Variants in TIMM23 observed in about 807,000 individuals in gnomAD.
TIMM23 encodes mitochondrial import inner membrane translocase subunit Tim23.
TIMM23 carries 19 observed loss-of-function variants against 30.7 expected under a neutral mutation model. That is an observed-to-expected ratio of 0.62 (90% CI 0.43 to 0.91). The LOEUF is 0.91. Ranked by LOEUF, TIMM23 falls within the 40% of genes least tolerant of loss-of-function variation. The pLI, the probability that TIMM23 is intolerant of heterozygous loss-of-function variation, is 0.00. For synonymous variants in TIMM23, 78 were observed against 98.5 expected, an observed-to-expected ratio of 0.79 and a Z score of 1.23; for missense variants, 202 against 269.2, an observed-to-expected ratio of 0.75 and a Z score of 1.75.
intron 4 of TIMM23, among the ~76,000 whole-genome samples, chr10:45,984,416 T>TG (rs1480466543): frequency 1.3e-5 from 2 of 152,222 alleles, no homozygotes; most frequent in Non-Finnish European, 2.9e-5. Context: ...GAAAAAATGA[T>TG]GGCTGAACTT....
rs1226827884 is a variant in TIMM23 at position 45,997,945 on chromosome 10, AT to A, written c.515-5257del. Among the ~76,000 whole-genome samples the A allele has an allele frequency of 1.4e-3, 207 of 152,326 alleles. 1 individual carries two copies. The highest frequency in any genetic ancestry group is 4.9e-3 in the African/African-American group (205 of 41,582). On this transcript the variant is annotated intron_variant, in intron 6 of 6. Coordinates refer to ENST00000580018, the MANE Select transcript of TIMM23 (RefSeq NM_006327.4). ...GTATTGTACCATAATTCTTAAAAGA[AT>A]AAAGTTTTTTTAAAATTTTAAGACA...
intron 2 of TIMM23, 119 bp downstream of exon 2, chr10:45,975,631 A>C: frequency 7.5e-7 from 1 of 1,336,640 alleles, no homozygotes; most frequent in Non-Finnish European, 1.1e-6. Context: ...TCTGGTCTCC[A>C]TTCACCCTTT....
In TIMM23 at chr10:45,982,631, C is replaced by T; in HGVS notation, c.259+15C>T. 4 of 1,613,598 alleles carry T rather than the reference C, an allele frequency of 2.5e-6. No individual in the cohort carries two copies. The highest frequency in any genetic ancestry group is 3.4e-6 in the Non-Finnish European group (4 of 1,179,812). On this transcript the variant is annotated intron_variant, in intron 3 of 6. Coordinates refer to ENST00000580018, the MANE Select transcript of TIMM23 (RefSeq NM_006327.4). Reference sequence around the variant, plus strand: ...TTGCATGACAGGTGAGTGTTACATACTTTTTTCTCAAGAGTGCTCAGTTCA... The same window carrying T: ...TTGCATGACAGGTGAGTGTTACATATTTTTTTCTCAAGAGTGCTCAGTTCA...
chr10:45,972,846 T>C, intron 1 of TIMM23, 116 bp downstream of exon 1: 2 of 1,534,942 alleles, frequency 1.3e-6, no homozygotes, highest in Non-Finnish European at 1.8e-6. Flanking sequence ...TTTACAAGCT[T>C]AAGTACCAGT....
intron 6 of TIMM23, among the ~76,000 whole-genome samples, chr10:45,993,080 C>T (rs1418602533): frequency 6.6e-6 from 1 of 152,096 alleles, no homozygotes; most frequent in Non-Finnish European, 1.5e-5. Flanking sequence ...AGGCCTTAAA[C>T]ACTGTAGTAC....
Position 46,003,340 on chromosome 10 carries a change from G to A in TIMM23, c.*22G>A, listed in dbSNP as rs1187138236. ...CTGAAGATTTTGCCAACTCATGAAT[G>A]GAGGACACTTCAGTAGTCATCTAGA... On this transcript the variant is annotated 3_prime_UTR_variant, in exon 7 of 7. Transcript: ENST00000580018. The A allele has an allele frequency of 1.3e-6, 2 of 1,523,678 alleles. No individual in the cohort carries two copies. Among genetic ancestry groups the A allele is most frequent in the Admixed American group, 1.7e-5 (1 of 59,832 alleles). The allele number at this position is 1,523,678 out of a possible 1,614,324, so 94.4% of individuals were successfully genotyped here. A position where few individuals can be genotyped will look rare whatever the true frequency, so the allele number is the denominator to read the frequency against.
chr10:45,980,114 T>A (rs2132250604), intron 2 of TIMM23, among the ~76,000 whole-genome samples: 1 of 151,304 alleles, frequency 6.6e-6, no homozygotes, highest in African/African-American at 2.4e-5. Context: ...CCTCATCTGT[T>A]ATTGGAAATA....
chr10:46,000,061 G>A (rs1334932759), intron 6 of TIMM23, among the ~76,000 whole-genome samples: 6 of 152,086 alleles, frequency 3.9e-5, no homozygotes, highest in African/African-American at 1.4e-4. Context: ...CTTTTTTCAA[G>A]GTGCCCAGAT....
At position 45,982,876 on chromosome 10, in the gene TIMM23, G is replaced by C; in HGVS notation, c.290G>C (p.Arg97Pro). The change falls in exon 4 of 7, where the codon CGG becomes CCG. Residue 97 changes from arginine to proline, a missense_variant. Physicochemically the swap from Arg to Pro is moderately radical, Grantham distance 103 (BLOSUM62 -2). Transcript: ENST00000580018. ...GAAFGAMNGL[R>P]LGLKETQNMA... The stretch of plus-strand genomic sequence containing the variant: ...GCGTTTGGTGCAATGAATGGTCTTC[G>C]GCTAGGATTGAAGGAAACCCAGAAC... 3 of 1,613,758 alleles carry C rather than the reference G, an allele frequency of 1.9e-6. No homozygotes were observed. The highest frequency in any genetic ancestry group is 2.5e-6 in the Non-Finnish European group (3 of 1,179,834).
At position 45,972,566 on chromosome 10, in the gene TIMM23, C is replaced by G; in HGVS notation, c.-59C>G. On this transcript the variant is annotated 5_prime_UTR_variant, in exon 1 of 7. Transcript: ENST00000580018. ...ACCCGCTGTTATTGAGGAGTAACGG[C>G]CCAGCGGACCACCCAGGCTTGAGGC... The G allele has an allele frequency of 6.3e-7, 1 of 1,577,520 alleles. No homozygotes were observed. Among genetic ancestry groups the G allele is most frequent in the Non-Finnish European group, 8.6e-7 (1 of 1,160,046 alleles).
At chr10:45,973,531 C>T (rs1214710408) in intron 1 of TIMM23, among the ~76,000 whole-genome samples, 1 of 152,220 alleles carries the variant, frequency 6.6e-6, no homozygotes, top group Non-Finnish European at 1.5e-5. Context: ...GGAACAACAA[C>T]AACGAAATAT....
intron 5 of TIMM23, among the ~76,000 whole-genome samples, chr10:45,987,615 ATTTTTTTTTTT>A (rs781826848): frequency 2.5e-5 from 2 of 79,144 alleles, no homozygotes; most frequent in African/African-American, 1.1e-4. Flanking sequence ...TATTATAAAG[ATTTTTTTTTTT>A]TTTTTTTTTT....
In TIMM23 at chr10:46,003,596, G is replaced by A; in HGVS notation, c.*278G>A. 1 of 276,234 alleles carries A rather than the reference G, an allele frequency of 3.6e-6. No individual in the cohort carries two copies. Among genetic ancestry groups the A allele is most frequent in the South Asian group, 6.4e-5 (1 of 15,682 alleles). The allele number at this position is 276,234 out of a possible 1,614,324, so 17.1% of individuals were successfully genotyped here. A position where few individuals can be genotyped will look rare whatever the true frequency, so the allele number is the denominator to read the frequency against. On this transcript the variant is annotated 3_prime_UTR_variant, in exon 7 of 7. Coordinates refer to ENST00000580018, the MANE Select transcript of TIMM23 (RefSeq NM_006327.4). Reference sequence around the variant, plus strand: ...ATCTGTTTTCCTCCCCCATGAACTAGAAAACCACTTACTCCCAGAATTCAG... The same window carrying A: ...ATCTGTTTTCCTCCCCCATGAACTAAAAAACCACTTACTCCCAGAATTCAG...
chr10:46,002,810 A>ATTTTTTTTTTTTT (rs386371331), intron 6 of TIMM23, among the ~76,000 whole-genome samples: 1 of 95,068 alleles, frequency 1.1e-5, no homozygotes, highest in Non-Finnish European at 2.0e-5. Context: ...ATTTCATAGT[A>ATTTTTTTTTTTTT]TTTTTTTTTT....
At chr10:45,980,621 C>T (rs1837813278) in intron 2 of TIMM23, among the ~76,000 whole-genome samples, 1 of 151,242 alleles carries the variant, frequency 6.6e-6, no homozygotes, top group African/African-American at 2.4e-5. Context: ...TTTCTTTTCC[C>T]CCAGCAAGTA....
intron 6 of TIMM23, among the ~76,000 whole-genome samples, chr10:45,993,824 T>G (rs1213429607): frequency 8.7e-5 from 13 of 149,884 alleles, no homozygotes; most frequent in Non-Finnish European, 1.8e-4. Context: ...CATCTCGAAA[T>G]GAAATGAGAT....
At chr10:45,982,719 A>G in intron 3 of TIMM23, 103 bp downstream of exon 3, 10 of 1,556,696 alleles carry the variant, frequency 6.4e-6, no homozygotes, top group South Asian at 3.6e-5. Context: ...TTTTTTTTTA[A>G]TATTTACATT....
At position 45,985,452 on chromosome 10, in the gene TIMM23, A is replaced by C; in HGVS notation, c.403+11A>C. Reference sequence around the variant, plus strand: ...CTCTAGGTTCTCTGGGTAAGTAGAGATCTCATTTGATAATAAATTGTTAAA... The same window carrying C: ...CTCTAGGTTCTCTGGGTAAGTAGAGCTCTCATTTGATAATAAATTGTTAAA... On this transcript the variant is annotated intron_variant, in intron 5 of 6. Transcript: ENST00000580018. The C allele has an allele frequency of 6.2e-7, 1 of 1,613,340 alleles. No individual in the cohort carries two copies. Among genetic ancestry groups the C allele is most frequent in the Non-Finnish European group, 8.5e-7 (1 of 1,179,464 alleles).
intron 6 of TIMM23, among the ~76,000 whole-genome samples, chr10:46,000,408 T>G (rs1838492095): frequency 6.6e-6 from 1 of 152,218 alleles, no homozygotes; most frequent in Non-Finnish European, 1.5e-5. Flanking sequence ...CCGCAACAGA[T>G]GGGGTCTCAC....
Sources: allele counts gnomAD v4.1 joint callset (sites outside exome capture counted in the v4.1 genomes callset), GRCh38; gene constraint gnomAD v4.1.1; transcripts MANE v1.5; gene names NCBI Gene and HGNC (gene_info 2026-07-23, HGNC 2026-07-21).